ARAP2: variants seen among roughly 807,000 people sequenced by gnomAD.
ARAP2 encodes the protein arf-GAP with Rho-GAP domain, ANK repeat and PH domain-containing protein 2.
Under a neutral mutation model 194.5 loss-of-function variants are expected in ARAP2, and 148 were observed. The observed-to-expected ratio is 0.76, with a 90% CI of 0.67 to 0.87. The LOEUF is 0.87. Among genes scored for constraint, ARAP2 ranks in the 40% least tolerant of loss-of-function variants. ARAP2 has a pLI of 0.00. For synonymous variants in ARAP2, 695 were observed against 683.5 expected (o/e 1.02, Z -0.26); for missense variants, 2,128 against 1,989.7 (o/e 1.07, Z -1.32).
intron 8 of ARAP2, among the ~76,000 whole-genome samples, chr4:36,178,629 G>A (rs985711558): frequency 1.5e-4 from 23 of 152,236 alleles, no homozygotes; most frequent in Middle Eastern, 6.8e-3. Context: ...AATGCACTGT[G>A]TTACAGGCAT....
chr4:36,065,385 C>T, downstream of ARAP2: 1 of 523,240 alleles, frequency 1.9e-6, no homozygotes, highest in Non-Finnish European at 3.9e-6. Flanking sequence ...GTGCCAGGGC[C>T]CCAGGAATGG....
At chr4:36,220,762 C>T (rs187195959) in intron 2 of ARAP2, among the ~76,000 whole-genome samples, 231 of 151,808 alleles carry the variant, frequency 1.5e-3, no homozygotes, top group Admixed American at 2.7e-3. Context: ...GCTTATAGAA[C>T]GAGGATATAA....
At chr4:36,220,523 CT>C (rs1201732967) in intron 2 of ARAP2, among the ~76,000 whole-genome samples, 33 of 151,958 alleles carry the variant, frequency 2.2e-4, no homozygotes, top group African/African-American at 7.5e-4. Flanking sequence ...ATTGACTATA[CT>C]TTTTTATTTT....
chr4:36,122,358 A>T (rs1722864819), intron 22 of ARAP2, among the ~76,000 whole-genome samples: 1 of 151,726 alleles, frequency 6.6e-6, no homozygotes, highest in African/African-American at 2.4e-5. Context: ...CAAAGACATT[A>T]AATCAAACCT....
intron 8 of ARAP2, among the ~76,000 whole-genome samples, chr4:36,178,631 T>TAC (rs1415454614): frequency 6.6e-6 from 1 of 152,264 alleles, no homozygotes; most frequent in African/African-American, 2.4e-5. Flanking sequence ...TGCACTGTGT[T>TAC]ACAGGCATAG....
At chr4:36,099,054 C>T (rs1273265419) in intron 27 of ARAP2, among the ~76,000 whole-genome samples, 1 of 151,796 alleles carries the variant, frequency 6.6e-6, no homozygotes, top group African/African-American at 2.4e-5. Context: ...CCCTACCCTC[C>T]CCTCCCCATG....
intron 32 of ARAP2, among the ~76,000 whole-genome samples, chr4:36,069,931 T>C (rs1434909508): frequency 1.3e-5 from 2 of 152,082 alleles, no homozygotes; most frequent in African/African-American, 4.8e-5. Flanking sequence ...TGTAGCACCT[T>C]TCCCCCCTCT....
chr4:36,152,732 A>G (rs1410822605), intron 15 of ARAP2, among the ~76,000 whole-genome samples: 1 of 152,170 alleles, frequency 6.6e-6, no homozygotes. Context: ...TTTAGGAGCC[A>G]TGTTTCTAAA....
intron 6 of ARAP2, among the ~76,000 whole-genome samples, chr4:36,201,569 T>G (rs1222592326): frequency 6.6e-6 from 1 of 152,208 alleles, no homozygotes; most frequent in African/African-American, 2.4e-5. Context: ...TTGAACATAT[T>G]TCTATAAACT....
chr4:36,173,403 A>G (rs1456584078), intron 9 of ARAP2, among the ~76,000 whole-genome samples: 1 of 152,280 alleles, frequency 6.6e-6, no homozygotes, highest in Non-Finnish European at 1.5e-5. Flanking sequence ...TTTAAAGATA[A>G]ATAATTTACA....
At chr4:36,088,425 T>A (rs1056928047) in intron 28 of ARAP2, among the ~76,000 whole-genome samples, 1 of 152,060 alleles carries the variant, frequency 6.6e-6, no homozygotes, top group Non-Finnish European at 1.5e-5. Flanking sequence ...ATGTGTTCCA[T>A]CACATAACCC....
At chr4:36,125,773 G>C (rs755182915) in intron 21 of ARAP2, among the ~76,000 whole-genome samples, 4 of 152,044 alleles carry the variant, frequency 2.6e-5, no homozygotes, top group Non-Finnish European at 4.4e-5. Flanking sequence ...GCTACCTGAA[G>C]TGGAAATAGA....
chr4:36,026,478 T>C (rs146627043), intron 5 of ARAP2, among the ~76,000 whole-genome samples: 208 of 152,288 alleles, frequency 1.4e-3, no homozygotes, highest in African/African-American at 4.7e-3. Context: ...ATAAACATTG[T>C]TGATTGGATG....
intron 27 of ARAP2, among the ~76,000 whole-genome samples, chr4:36,098,003 C>T (rs1398802519): frequency 6.6e-6 from 1 of 151,956 alleles, no homozygotes; most frequent in Non-Finnish European, 1.5e-5. Flanking sequence ...TTTATTTAAG[C>T]AGAACAGACA....
intron 1 of ARAP2, 98 bp from the exon 2 acceptor site, chr4:36,229,743 A>C (rs1465131926): frequency 3.4e-6 from 1 of 296,460 alleles, no homozygotes; most frequent in Non-Finnish European, 6.3e-6. Flanking sequence ...TTAGGACACT[A>C]ACTCTCACTC....
chr4:36,238,121 A>T (rs943339315), intron 1 of ARAP2, among the ~76,000 whole-genome samples: 54 of 152,100 alleles, frequency 3.6e-4, no homozygotes, highest in Non-Finnish European at 5.9e-4. Context: ...CATCCGCCCC[A>T]TTAAACCCCT....
chr4:36,141,834 A>C (rs1437451693), intron 19 of ARAP2, among the ~76,000 whole-genome samples: 1 of 151,678 alleles, frequency 6.6e-6, no homozygotes, highest in African/African-American at 2.4e-5. Context: ...AAATAATTGG[A>C]AGTTGTGTTA....
chr4:36,139,299 A>G (rs997044154), intron 19 of ARAP2, among the ~76,000 whole-genome samples: 5 of 151,540 alleles, frequency 3.3e-5, no homozygotes, highest in Non-Finnish European at 1.5e-5. Context: ...AATGTGTTAA[A>G]TTCATTGGTA....
At chr4:36,157,989 T>C (rs1164486854) in intron 15 of ARAP2, among the ~76,000 whole-genome samples, 1 of 152,120 alleles carries the variant, frequency 6.6e-6, no homozygotes, top group Non-Finnish European at 1.5e-5. Flanking sequence ...AATTGGCATG[T>C]ACAGCTTAAT....
Sources: allele counts gnomAD v4.1 joint callset (sites outside exome capture counted in the v4.1 genomes callset), GRCh38; gene constraint gnomAD v4.1.1; transcripts MANE v1.5; gene names NCBI Gene and HGNC (gene_info 2026-07-23, HGNC 2026-07-21).